The following COX7B variants were observed in gnomAD, a reference collection of about 807,000 sequenced individuals.
The protein encoded by COX7B is cytochrome c oxidase subunit 7B, mitochondrial.
COX7B carries 2 observed loss-of-function variants against 7.9 expected under a neutral mutation model. That is an observed-to-expected ratio of 0.25 (90% CI 0.10 to 0.79). The LOEUF is 0.79. Ranked by LOEUF, COX7B falls within the 30% of genes least tolerant of loss-of-function variation. The pLI, the probability that COX7B is intolerant of heterozygous loss-of-function variation, is 0.69. For synonymous variants in COX7B, 19 were observed against 21.1 expected (o/e 0.90, Z 0.27); for missense variants, 54 against 62.7 (o/e 0.86, Z 0.47).
Position 77,905,419 on chromosome X carries a change from G to A in COX7B, c.*158G>A, listed in dbSNP as rs2077131874. On this transcript the variant is annotated 3_prime_UTR_variant, in exon 3 of 3. Coordinates refer to ENST00000650309, the MANE Select transcript of COX7B (RefSeq NM_001866.3). ...TTTGTTTCTTTGTAAATGAAACTAA[G>A]CTTGATCACTTTAGCCTTTATGTTA... 2 of 382,842 alleles carry A rather than the reference G, an allele frequency of 5.2e-6. No individual in the cohort carries two copies. The highest frequency in any genetic ancestry group is 9.3e-6 in the Non-Finnish European group (2 of 216,000). The allele number at this position is 382,842 out of a possible 1,213,427, so 31.6% of individuals were successfully genotyped here.
intron 2 of COX7B, among the ~76,000 whole-genome samples, chrX:77,904,326 T>C (rs1557220913): frequency 9.1e-6 from 1 of 110,437 alleles, no homozygotes; most frequent in Non-Finnish European, 1.9e-5. Context: ...TTTTTAGTTT[T>C]TGTTTTGATC....
At position 77,899,484 on chromosome X, in the gene COX7B, C is replaced by G. The variant is rs1404814798; in HGVS notation, c.-70C>G. 8.8e-6 allele frequency: 10 copies of G among 1,142,424 alleles called. No individual in the cohort carries two copies. The highest frequency in any genetic ancestry group is 1.2e-5 in the Non-Finnish European group (10 of 835,866). The allele number at this position is 1,142,424 out of a possible 1,213,427, so 94.1% of individuals were successfully genotyped here. ...AGCCATTTTGTTTTTCAGCTCACTT[C>G]AAGGGTACCTGAAGCGAATTGGCAC... On this transcript the variant is annotated 5_prime_UTR_variant, in exon 1 of 3. Transcript: ENST00000650309.
Position 77,905,426 on chromosome X carries a change from C to T in COX7B, c.*165C>T. On this transcript the variant is annotated 3_prime_UTR_variant, in exon 3 of 3. Coordinates refer to ENST00000650309, the MANE Select transcript of COX7B (RefSeq NM_001866.3). The stretch of plus-strand genomic sequence containing the variant: ...CTTTGTAAATGAAACTAAGCTTGAT[C>T]ACTTTAGCCTTTATGTTAATATTAA... 1 of 299,258 alleles carries T rather than the reference C, an allele frequency of 3.3e-6. No homozygotes were observed. The allele number at this position is 299,258 out of a possible 1,213,427, so 24.7% of individuals were successfully genotyped here.
intron 1 of COX7B, among the ~76,000 whole-genome samples, 181 bp from the exon 2 acceptor site, chrX:77,902,462 T>C (rs1393563157): frequency 8.9e-6 from 1 of 112,680 alleles, no homozygotes; most frequent in Non-Finnish European, 1.9e-5. Context: ...CATCTTATTT[T>C]TGTTGCATTT....
intron 2 of COX7B, 128 bp from the exon 3 acceptor site, chrX:77,905,056 T>C: frequency 3.7e-6 from 2 of 539,872 alleles, no homozygotes; most frequent in Non-Finnish European, 6.3e-6. Flanking sequence ...TGGAGGGTAT[T>C]AGATCCCAGG....
intron 1 of COX7B, among the ~76,000 whole-genome samples, chrX:77,900,464 C>T (rs1289063282): frequency 8.9e-6 from 1 of 112,351 alleles, no homozygotes; most frequent in African/African-American, 3.2e-5. Context: ...TTGAGACCAG[C>T]ATTATGTAGA....
rs781894480 is a variant in COX7B, at chrX:77,905,126, C to A, written c.166-58C>A. The A allele has an allele frequency of 8.8e-5, 80 of 911,164 alleles. No individual in the cohort carries two copies. The East Asian group carries it at 2.3e-3, about 26-fold the overall frequency. 75.1% of individuals were successfully genotyped at this position (911,164 alleles called of 1,213,427 possible). A position where few individuals can be genotyped will look rare whatever the true frequency, so the allele number is the denominator to read the frequency against. ...ATATCTGTCATTTTCAAGAAATAGTCTCCGAGAGAGTGTACTCTGGTTTAA... is the reference window on the plus strand; with the variant it reads ...ATATCTGTCATTTTCAAGAAATAGTATCCGAGAGAGTGTACTCTGGTTTAA... On this transcript the variant is annotated intron_variant, in intron 2 of 2. Transcript: ENST00000650309.
At chrX:77,901,267 C>CA (rs2077119200) in intron 1 of COX7B, among the ~76,000 whole-genome samples, 1 of 103,527 alleles carries the variant, frequency 9.7e-6, no homozygotes, top group Non-Finnish European at 2.0e-5. Flanking sequence ...TTTTTTGAGA[C>CA]AAAGTTTCGC....
chrX:77,900,512 A>G (rs1262758890), intron 1 of COX7B, among the ~76,000 whole-genome samples: 2 of 112,562 alleles, frequency 1.8e-5, no homozygotes, highest in Non-Finnish European at 3.8e-5. Flanking sequence ...ATTAATTTTC[A>G]TACTTGATTT....
chrX:77,902,280 A>G (rs1305491788), intron 1 of COX7B, among the ~76,000 whole-genome samples: 1 of 111,887 alleles, frequency 8.9e-6, no homozygotes, highest in Non-Finnish European at 1.9e-5. Flanking sequence ...CTTTGTAGAG[A>G]ATGTTACTGA....
chrX:77,904,183 C>T (rs781943749), intron 2 of COX7B, among the ~76,000 whole-genome samples: 3 of 107,112 alleles, frequency 2.8e-5, no homozygotes, highest in East Asian at 2.9e-4. Flanking sequence ...CCACCCACCT[C>T]GGCCTCCCAA....
Position 77,905,480 on chromosome X carries a change from G to GT in COX7B, c.*219_*220insT. The GT allele has an allele frequency of 2.5e-5, 3 of 121,561 alleles. No individual in the cohort carries two copies. The highest frequency in any genetic ancestry group is 2.2e-4 in the East Asian group (1 of 4,632). The allele number at this position is 121,561 out of a possible 1,213,427, so 10.0% of individuals were successfully genotyped here. On this transcript the variant is annotated 3_prime_UTR_variant, in exon 3 of 3. Coordinates refer to ENST00000650309, the MANE Select transcript of COX7B (RefSeq NM_001866.3). ...CAAATGCTGTGCAGCTTCTTAAATA[G>GT]GTTTTTTTTTTTTTTTTTTTTTTTT...
Position 77,899,531 on chromosome X carries a change from G to T in COX7B, c.-23G>T. 8.3e-7 allele frequency: 1 copy of T among 1,210,494 alleles called. No homozygotes were observed. Among genetic ancestry groups the T allele is most frequent in the Non-Finnish European group, 1.1e-6 (1 of 894,700 alleles). On this transcript the variant is annotated 5_prime_UTR_variant, in exon 1 of 3. Coordinates refer to ENST00000650309, the MANE Select transcript of COX7B (RefSeq NM_001866.3). ...GCACCAAAGCAGCAGCTGTATTGCC[G>T]CAGTTCTAGCTTCACCTTCACGATG...
At position 77,906,732 on chromosome X, in the gene COX7B, A is replaced by T. The variant is rs1557221195; in HGVS notation, c.*1471A>T. On this transcript the variant is annotated 3_prime_UTR_variant, in exon 3 of 3. Transcript: ENST00000650309. ...AACCTTTGCCTCCCGGATTCAAGTG[A>T]TTCTCCTGTCTCAGCCTCCCTAGTA... The T allele has an allele frequency of 9.0e-6, 1 of 110,950 alleles. No individual in the cohort carries two copies. The highest frequency in any genetic ancestry group is 1.9e-5 in the Non-Finnish European group (1 of 53,018). 9.1% of individuals were successfully genotyped at this position (110,950 alleles called of 1,213,427 possible). A position where few individuals can be genotyped will look rare whatever the true frequency, so the allele number is the denominator to read the frequency against.
rs1391448197 is a variant in COX7B, at chrX:77,907,010, C to G, written c.*1749C>G. 9.2e-6 allele frequency: 1 copy of G among 108,151 alleles called. No homozygotes were observed. The highest frequency in any genetic ancestry group is 1.9e-5 in the Non-Finnish European group (1 of 52,209). 8.9% of individuals were successfully genotyped at this position (108,151 alleles called of 1,213,427 possible). A position where few individuals can be genotyped will look rare whatever the true frequency, so the allele number is the denominator to read the frequency against. ...TTTTTTGTTTTTTTTTTGTAGTTTTCTTGATCGTGATCAATTAAGCAGAAA... is the reference window on the plus strand; with the variant it reads ...TTTTTTGTTTTTTTTTTGTAGTTTTGTTGATCGTGATCAATTAAGCAGAAA... On this transcript the variant is annotated 3_prime_UTR_variant, in exon 3 of 3. Coordinates refer to ENST00000650309, the MANE Select transcript of COX7B (RefSeq NM_001866.3).
intron 2 of COX7B, among the ~76,000 whole-genome samples, chrX:77,904,978 C>T (rs1180484428): frequency 8.9e-6 from 1 of 112,322 alleles, no homozygotes; most frequent in Admixed American, 9.5e-5. Flanking sequence ...TTTCCTTCAG[C>T]TCAAGAAGTT....
rs1475111544 is a variant in COX7B, at chrX:77,906,243, A to G, written c.*982A>G. ...CTGGATTTTGGTTATGCCTACTACT[A>G]TGTGCCTCTCATTTGTATTTATACC... On this transcript the variant is annotated 3_prime_UTR_variant, in exon 3 of 3. Transcript: ENST00000650309. 8.9e-6 allele frequency: 1 copy of G among 112,171 alleles called. No homozygotes were observed. Among genetic ancestry groups the G allele is most frequent in the East Asian group, 2.8e-4 (1 of 3,581 alleles). The allele number at this position is 112,171 out of a possible 1,213,427, so 9.2% of individuals were successfully genotyped here.
At position 77,907,349 on chromosome X, in the gene COX7B, A is replaced by G. The variant is rs1159042724; in HGVS notation, c.*2088A>G. 8.9e-6 allele frequency: 1 copy of G among 112,356 alleles called. No homozygotes were observed. Among genetic ancestry groups the G allele is most frequent in the Non-Finnish European group, 1.9e-5 (1 of 53,305 alleles). The allele number at this position is 112,356 out of a possible 1,213,427, so 9.3% of individuals were successfully genotyped here. A position where few individuals can be genotyped will look rare whatever the true frequency, so the allele number is the denominator to read the frequency against. On this transcript the variant is annotated 3_prime_UTR_variant, in exon 3 of 3. Transcript: ENST00000650309. ...ATTGAAGTAAAATAAACATGTATTT[A>G]AGGAAGTGTCAACCTTCAATTATAT...
chrX:77,906,523 T>C lies in COX7B; in HGVS notation c.*1262T>C, dbSNP rs782102938. ...CTAGTTATCTACTATCAGTCACCTG[T>C]TGTATAATTATAACAATGTTTGGAT... On this transcript the variant is annotated 3_prime_UTR_variant, in exon 3 of 3. Coordinates refer to ENST00000650309, the MANE Select transcript of COX7B (RefSeq NM_001866.3). The C allele has an allele frequency of 8.9e-6, 1 of 112,599 alleles. No individual in the cohort carries two copies. Among genetic ancestry groups the C allele is most frequent in the African/African-American group, 3.2e-5 (1 of 31,081 alleles). The allele number at this position is 112,599 out of a possible 1,213,427, so 9.3% of individuals were successfully genotyped here. A position where few individuals can be genotyped will look rare whatever the true frequency, so the allele number is the denominator to read the frequency against.
Sources: gnomAD v4.1 joint callset for allele counts (sites outside exome capture counted in the v4.1 genomes callset) on GRCh38, gnomAD v4.1.1 for gene constraint, MANE v1.5 for transcripts, NCBI Gene and HGNC (gene_info 2026-07-23, HGNC 2026-07-21) for gene names.